LRBA: variants seen among roughly 807,000 people sequenced by gnomAD.
LRBA encodes LPS responsive beige-like anchor protein, also known as lipopolysaccharide-responsive and beige-like anchor protein.
A neutral mutation model predicts 330.0 loss-of-function variants in LRBA; 176 were observed. The ratio of observed to expected loss-of-function variants is 0.53; its 90% confidence interval spans 0.47 to 0.60. The LOEUF (loss-of-function observed/expected upper bound fraction) is 0.60, where lower values mean the gene tolerates loss of function less well. Among genes scored for constraint, LRBA ranks in the 20% least tolerant of loss-of-function variants. The probability of loss-of-function intolerance (pLI) is 0.00; values close to 1 mark genes in which losing one functional copy is unlikely to be tolerated. For synonymous variants in LRBA, 1,230 were observed against 1,193.0 expected (o/e 1.03, Z -0.64); for missense variants, 3,259 against 3,444.8 (o/e 0.95, Z 1.35).
chr4:150,900,867 T>C (rs1392344558), intron 13 of LRBA, among the ~76,000 whole-genome samples: 1 of 152,168 alleles, frequency 6.6e-6, no homozygotes, highest in Non-Finnish European at 1.5e-5. Context: ...AGGATTCTAC[T>C]AATCTCATTG....
chr4:150,713,096 C>T (rs1786397221), intron 36 of LRBA, among the ~76,000 whole-genome samples: 1 of 151,898 alleles, frequency 6.6e-6, no homozygotes, highest in Non-Finnish European at 1.5e-5. Context: ...GCCACCAAGC[C>T]CAGCTAATTT....
chr4:150,349,531 TAAC>T (rs1283126086), intron 48 of LRBA, among the ~76,000 whole-genome samples: 1 of 152,202 alleles, frequency 6.6e-6, no homozygotes, highest in Non-Finnish European at 1.5e-5. Context: ...CAATAACATC[TAAC>T]AACAATTTGA....
chr4:150,316,858 G>A (rs891929741), intron 50 of LRBA, among the ~76,000 whole-genome samples: 8 of 152,146 alleles, frequency 5.3e-5, no homozygotes, highest in Admixed American at 2.6e-4. Flanking sequence ...GACAAGGGGC[G>A]TTGGGGTTCC....
chr4:150,337,197 T>C (rs1734867290), intron 48 of LRBA, among the ~76,000 whole-genome samples: 1 of 152,190 alleles, frequency 6.6e-6, no homozygotes, highest in African/African-American at 2.4e-5. Flanking sequence ...TCATTGGTTA[T>C]TCATTTGCTA....
intron 44 of LRBA, among the ~76,000 whole-genome samples, chr4:150,441,891 C>T (rs1175365083): frequency 1.3e-5 from 2 of 152,106 alleles, no homozygotes; most frequent in African/African-American, 2.4e-5. Context: ...GATTTAAAGG[C>T]CAATATAAGT....
chr4:150,601,544 G>A (rs1310758673), intron 37 of LRBA, among the ~76,000 whole-genome samples: 1 of 151,884 alleles, frequency 6.6e-6, no homozygotes, highest in Non-Finnish European at 1.5e-5. Context: ...AAAAAAAATG[G>A]TCAAAATGGT....
intron 17 of LRBA, among the ~76,000 whole-genome samples, chr4:150,886,621 G>C (rs1728964648): frequency 1.3e-5 from 2 of 152,184 alleles, no homozygotes; most frequent in South Asian, 4.1e-4. Flanking sequence ...AGTAGGGTAA[G>C]AGAGGTTTGA....
intron 2 of LRBA, among the ~76,000 whole-genome samples, chr4:150,949,765 A>ACT (rs10649451): frequency 0.96 from 145,745 of 151,982 alleles, 70,165 homozygotes; most frequent in Non-Finnish European, 1. Flanking sequence ...CGGCAAGGAA[A>ACT]CTCGTAAGTT....
Position 150,828,549 on chromosome 4 carries a change from C to A in LRBA, c.4802G>T (p.Arg1601Leu). The change falls in exon 30 of 57, where the codon CGA becomes CTA. Residue 1601 changes from arginine (R) to leucine (L), a missense_variant. Physicochemically the swap from Arg to Leu is moderately radical, Grantham distance 102 (BLOSUM62 -2). Transcript: ENST00000651943. ...TTCCCCAATGCCTGAGTCCCTCCTT[C>A]GAGCAGATGATGTGCTTTCAGATTC... ...VEESESTSSA[R>L]RRDSGIGEET... 2 of 1,614,098 alleles carry A rather than the reference C, an allele frequency of 1.2e-6. No homozygotes were observed. Among genetic ancestry groups the A allele is most frequent in the East Asian group, 4.5e-5 (2 of 44,878 alleles).
At chr4:150,482,422 A>G (rs1367714339) in intron 42 of LRBA, among the ~76,000 whole-genome samples, 5 of 152,100 alleles carry the variant, frequency 3.3e-5, no homozygotes, top group Non-Finnish European at 7.4e-5. Context: ...GATTTATCAC[A>G]GTTTGTCCAT....
chr4:150,652,258 C>G (rs1258117630), intron 37 of LRBA, among the ~76,000 whole-genome samples: 3 of 152,130 alleles, frequency 2.0e-5, no homozygotes, highest in African/African-American at 4.8e-5. Context: ...TTTCCCCCAC[C>G]TCTTAACAGC....
rs148716109 is a variant in LRBA at position 150,568,350 on chromosome 4, T to C, written c.6330+19698A>G. On this transcript the variant is annotated intron_variant, in intron 40 of 56. Coordinates refer to ENST00000651943, the MANE Select transcript of LRBA (RefSeq NM_001364905.1). ...CTATGGCATGATGACAGTGTTTTATTCTATTCCTCTAAGTAAAAACCTGCC... is the reference window on the plus strand; with the variant it reads ...CTATGGCATGATGACAGTGTTTTATCCTATTCCTCTAAGTAAAAACCTGCC... Among the ~76,000 whole-genome samples, 465 of 152,270 alleles carry C rather than the reference T, an allele frequency of 3.1e-3. 4 individuals are homozygous for C. The highest frequency in any genetic ancestry group is 0.011 in the African/African-American group (445 of 41,574).
intron 37 of LRBA, among the ~76,000 whole-genome samples, chr4:150,614,116 G>A (rs546511445): frequency 2.6e-5 from 4 of 152,168 alleles, no homozygotes; most frequent in South Asian, 2.1e-4. Context: ...CCCTTCCTTC[G>A]GATTTAGACT....
chr4:150,309,423 C>T (rs1730772954), intron 52 of LRBA, among the ~76,000 whole-genome samples: 1 of 152,152 alleles, frequency 6.6e-6, no homozygotes, highest in Admixed American at 6.5e-5. Flanking sequence ...TTAAGCAACA[C>T]ACGACTGTAG....
At chr4:150,633,745 T>C (rs1397843657) in intron 37 of LRBA, among the ~76,000 whole-genome samples, 1 of 152,192 alleles carries the variant, frequency 6.6e-6, no homozygotes, top group African/African-American at 2.4e-5. Context: ...ATCTCCACAG[T>C]ACACACATCC....
chr4:150,684,994 T>C (rs1391865578), intron 36 of LRBA, among the ~76,000 whole-genome samples: 2 of 152,134 alleles, frequency 1.3e-5, no homozygotes, highest in Non-Finnish European at 2.9e-5. Context: ...ACACTTGATG[T>C]AACTGGTACA....
At chr4:150,620,040 G>T (rs967150821) in intron 37 of LRBA, among the ~76,000 whole-genome samples, 2 of 151,992 alleles carry the variant, frequency 1.3e-5, no homozygotes, top group African/African-American at 4.8e-5. Flanking sequence ...TATGTAAAAA[G>T]AAATTTGCTA....
At chr4:150,358,908 T>C (rs1323787326) in intron 47 of LRBA, among the ~76,000 whole-genome samples, 2 of 152,188 alleles carry the variant, frequency 1.3e-5, no homozygotes, top group East Asian at 1.9e-4. Context: ...TGTAGTTTAA[T>C]CCCATGAGGA....
chr4:150,451,882 G>C (rs1047068194), intron 44 of LRBA, among the ~76,000 whole-genome samples: 9 of 152,060 alleles, frequency 5.9e-5, no homozygotes, highest in African/African-American at 1.9e-4. Context: ...TTAACAAAAA[G>C]ATAACCCGAA....
Sources: allele counts gnomAD v4.1 joint callset (sites outside exome capture counted in the v4.1 genomes callset), GRCh38; gene constraint gnomAD v4.1.1; transcripts MANE v1.5; gene names NCBI Gene and HGNC (gene_info 2026-07-23, HGNC 2026-07-21).